The following SHOC1 variants were observed in gnomAD, a reference collection of about 807,000 sequenced individuals.
SHOC1 encodes the protein shortage in chiasmata 1.
In SHOC1, 136 loss-of-function variants were observed where a neutral mutation model predicts 179.2. That is an observed-to-expected ratio of 0.76 (90% CI 0.66 to 0.87). The LOEUF is 0.87. Ranked by LOEUF, SHOC1 falls within the 40% of genes least tolerant of loss-of-function variation. The pLI, the probability that SHOC1 is intolerant of heterozygous loss-of-function variation, is 0.00. For synonymous variants in SHOC1, 489 were observed against 586.6 expected (o/e 0.83, Z 2.41); for missense variants, 1,538 against 1,700.8 (o/e 0.90, Z 1.68).
chr9:111,717,741 C>A (rs1564121745), intron 16 of SHOC1, among the ~76,000 whole-genome samples: 1 of 151,894 alleles, frequency 6.6e-6, no homozygotes, highest in African/African-American at 2.4e-5. Context: ...GATTTTATTA[C>A]CCAAGTAATT....
At chr9:111,779,234 C>T (rs999663365) in intron 4 of SHOC1, among the ~76,000 whole-genome samples, 2 of 152,046 alleles carry the variant, frequency 1.3e-5, no homozygotes, top group African/African-American at 4.8e-5. Context: ...TATGATTCCA[C>T]TTATGTGAAA....
chr9:111,757,823 G>T (rs1354146125), intron 7 of SHOC1, among the ~76,000 whole-genome samples: 1 of 152,144 alleles, frequency 6.6e-6, no homozygotes, highest in African/African-American at 2.4e-5. Context: ...AGTTCCCTAT[G>T]ACTGGCCTGC....
intron 24 of SHOC1, among the ~76,000 whole-genome samples, chr9:111,698,029 G>A (rs4644332): frequency 0.19 from 29,284 of 152,116 alleles, 2,974 homozygotes; most frequent in Non-Finnish European, 0.22. Flanking sequence ...CCCACTTTTT[G>A]ATGGGGTTGT....
intron 4 of SHOC1, among the ~76,000 whole-genome samples, chr9:111,776,965 C>T (rs986816036): frequency 1.3e-5 from 2 of 152,192 alleles, no homozygotes; most frequent in African/African-American, 4.8e-5. Flanking sequence ...ATCAGTCTCC[C>T]TGAGCATTTG....
At chr9:111,748,253 G>T in intron 8 of SHOC1, 54 bp from the exon 9 acceptor site, 1 of 1,278,130 alleles carries the variant, frequency 7.8e-7, no homozygotes, top group Non-Finnish European at 1.1e-6. Flanking sequence ...TTAATTTTCT[G>T]TAACCTTGTT....
intron 2 of SHOC1, among the ~76,000 whole-genome samples, chr9:111,789,401 TATA>T (rs1836374671): frequency 6.6e-6 from 1 of 152,240 alleles, no homozygotes; most frequent in Admixed American, 6.5e-5. Context: ...AACTGTATTA[TATA>T]ATGATATGCA....
intron 8 of SHOC1, among the ~76,000 whole-genome samples, chr9:111,752,387 T>C (rs2131545719): frequency 6.6e-6 from 1 of 152,336 alleles, no homozygotes; most frequent in South Asian, 2.1e-4. Context: ...TTTCAGCTCT[T>C]TCCCACCATA....
At chr9:111,748,795 CCTT>C (rs1564145507) in intron 8 of SHOC1, among the ~76,000 whole-genome samples, 66 of 75,374 alleles carry the variant, frequency 8.8e-4, no homozygotes, top group South Asian at 2.1e-3. Flanking sequence ...CCCCTCCCCC[CCTT>C]CCTTCCTTCC....
At chr9:111,782,126 G>A (rs998694905) in intron 3 of SHOC1, among the ~76,000 whole-genome samples, 2 of 152,096 alleles carry the variant, frequency 1.3e-5, no homozygotes, top group African/African-American at 4.8e-5. Context: ...GCAGGAGAAT[G>A]GCATGAACCC....
In SHOC1 at chr9:111,756,333, A is replaced by T; in HGVS notation, c.854T>A (p.Phe285Tyr). 6.3e-7 allele frequency: 1 copy of T among 1,592,114 alleles called. No individual in the cohort carries two copies. Among genetic ancestry groups the T allele is most frequent in the South Asian group, 1.2e-5 (1 of 85,708 alleles). ...TTACAATTAATTCTCACCTCTTTCA[A>T]AAAGCTTTTCCTTTTCATCTACATA... is the stretch of plus-strand genomic sequence containing the variant. ...INYVDEKEKL[F>Y]ERDLTNKHGI... Residue 285 changes from phenylalanine (F) to tyrosine (Y), a missense_variant, in exon 8 of 28, where the codon TTT becomes TAT. Physicochemically the swap from Phe to Tyr is conservative, Grantham distance 22. Transcript: ENST00000682961.
intron 6 of SHOC1, 133 bp downstream of exon 6, chr9:111,758,562 C>G: frequency 1.2e-6 from 1 of 813,696 alleles, no homozygotes; most frequent in South Asian, 2.2e-5. Flanking sequence ...GTACTCCAGC[C>G]TGGGCGACAG....
Position 111,781,297 on chromosome 9 carries a change from G to A in SHOC1, c.170-280C>T, listed in dbSNP as rs546020434. Among the ~76,000 whole-genome samples, 11 of 151,842 alleles carry A rather than the reference G, an allele frequency of 7.2e-5. No individual in the cohort carries two copies. In the South Asian group the frequency reaches 2.3e-3, roughly 32 times the overall value. On this transcript the variant is annotated intron_variant, in intron 3 of 27. Coordinates refer to ENST00000682961, the MANE Select transcript of SHOC1 (RefSeq NM_001378211.1). ...TTATACAGCACTACCATCCCAAATAGTCCCTTTCAACTGCTCATGCTATAC... is the reference window on the plus strand; with the variant it reads ...TTATACAGCACTACCATCCCAAATAATCCCTTTCAACTGCTCATGCTATAC...
In SHOC1 at chr9:111,722,439, C is replaced by A; in HGVS notation, c.2101G>T (p.Glu701Ter). Reference protein sequence around the residue: ...DQTRFLLKEQEKVVSDAVRQG... With the variant: ...DQTRFLLKEQ ...CGAACAGCATCACTTACTACTTTTT[C>A]TTGTTCCTTTAAGAGAAACCTTGTT... The change falls in exon 15 of 28, where the codon GAA (glutamate) becomes TAA (stop). Residue 701 changes from glutamate to a stop codon, truncating the protein, a stop_gained. Coordinates refer to ENST00000682961, the MANE Select transcript of SHOC1 (RefSeq NM_001378211.1). LOFTEE classifies it high-confidence loss of function. The A allele has an allele frequency of 6.2e-7, 1 of 1,605,456 alleles. No homozygotes were observed. Among genetic ancestry groups the A allele is most frequent in the Non-Finnish European group, 8.5e-7 (1 of 1,178,170 alleles).
intron 12 of SHOC1, among the ~76,000 whole-genome samples, chr9:111,737,030 GA>G (rs1175806484): frequency 6.6e-6 from 1 of 152,128 alleles, no homozygotes; most frequent in Admixed American, 6.5e-5. Context: ...ATATCATTCA[GA>G]ATGGCTACTA....
At chr9:111,711,197 A>C (rs1832529912) in intron 18 of SHOC1, among the ~76,000 whole-genome samples, 1 of 152,170 alleles carries the variant, frequency 6.6e-6, no homozygotes, top group South Asian at 2.1e-4. Flanking sequence ...GTAAGTGGTA[A>C]GTCTGTAAAT....
chr9:111,722,659 T>C, intron 14 of SHOC1, 74 bp from the exon 15 acceptor site: 4 of 1,278,304 alleles, frequency 3.1e-6, no homozygotes, highest in Non-Finnish European at 4.3e-6. Context: ...CAATTAAATG[T>C]TATTTCGTGG....
At chr9:111,714,943 G>A (rs1463378227) in intron 16 of SHOC1, among the ~76,000 whole-genome samples, 1 of 152,156 alleles carries the variant, frequency 6.6e-6, no homozygotes, top group African/African-American at 2.4e-5. Context: ...TTACATGGAA[G>A]TCCTGTTGAA....
Position 111,693,826 on chromosome 9 carries a change from T to C in SHOC1, c.3438A>G (p.Leu1146=), listed in dbSNP as rs1831560005. Residue 1146 remains leucine, a synonymous_variant, in exon 26 of 28, where the codon CTA becomes CTG. Transcript: ENST00000682961. The stretch of plus-strand genomic sequence containing the variant: ...TTAACACTTTTTCTGGGACTTCAGG[T>C]AGGAGTTCCTGAAGTTGACACAGAG... ...LATLCQLQEL[L]PEVPEKVLKH... 1 of 1,609,120 alleles carries C rather than the reference T, an allele frequency of 6.2e-7. No individual in the cohort carries two copies. Among genetic ancestry groups the C allele is most frequent in the South Asian group, 1.1e-5 (1 of 90,546 alleles).
Position 111,686,833 on chromosome 9 carries a change from T to C in SHOC1, c.4464A>G (p.Arg1488=), listed in dbSNP as rs1323467368. 1 of 1,613,678 alleles carries C rather than the reference T, an allele frequency of 6.2e-7. No homozygotes were observed. Among genetic ancestry groups the C allele is most frequent in the East Asian group, 2.2e-5 (1 of 44,872 alleles). The part of the protein sequence containing the change: ...MCSQLPQFKK[R]RLAYEKVPGR... ...CAGGGACTTTTTCATATGCTAGACGTCGTTTTTTGAATTGTGGTAGTTGTG... is the reference window on the plus strand; with the variant it reads ...CAGGGACTTTTTCATATGCTAGACGCCGTTTTTTGAATTGTGGTAGTTGTG... The change falls in exon 28 of 28, where the codon CGA becomes CGG. Residue 1488 remains arginine, a synonymous_variant. Transcript: ENST00000682961.
Sources: gnomAD v4.1 joint callset for allele counts (sites outside exome capture counted in the v4.1 genomes callset) on GRCh38, gnomAD v4.1.1 for gene constraint, MANE v1.5 for transcripts, NCBI Gene and HGNC (gene_info 2026-07-23, HGNC 2026-07-21) for gene names.